The following IGF2BP2 variants were observed in gnomAD, a reference collection of about 807,000 sequenced individuals.
IGF2BP2 encodes insulin-like growth factor 2 mRNA-binding protein 2.
IGF2BP2 carries 17 observed loss-of-function variants against 75.8 expected under a neutral mutation model. The observed-to-expected ratio is 0.22, with a 90% confidence interval of 0.15 to 0.34. The LOEUF (loss-of-function observed/expected upper bound fraction) is 0.34, where lower values mean the gene tolerates loss of function less well. Among genes scored for constraint, IGF2BP2 ranks in the 10% least tolerant of loss-of-function variants. The probability of loss-of-function intolerance (pLI) is 1.00; values close to 1 mark genes in which losing one functional copy is unlikely to be tolerated. For synonymous variants in IGF2BP2, 288 were observed against 295.6 expected (o/e 0.97, Z 0.26); for missense variants, 516 against 772.4 (o/e 0.67, Z 3.93).
chr3:185,717,482 T>C (rs1367753578), intron 2 of IGF2BP2: 1 of 152,204 alleles, frequency 6.6e-6, no homozygotes, highest in Non-Finnish European at 1.5e-5. Flanking sequence ...ACTCTGAGAA[T>C]AGGACTCAAG....
At chr3:185,756,641 ATGGCCACG>A (rs1167167133) in intron 2 of IGF2BP2, among the ~76,000 whole-genome samples, 1 of 152,076 alleles carries the variant, frequency 6.6e-6, no homozygotes, top group Non-Finnish European at 1.5e-5. Context: ...CATTCCATCT[ATGGCCACG>A]TGTTTTGATA....
At chr3:185,747,015 C>A (rs1385193519) in intron 2 of IGF2BP2, among the ~76,000 whole-genome samples, 1 of 152,060 alleles carries the variant, frequency 6.6e-6, no homozygotes, top group African/African-American at 2.4e-5. Flanking sequence ...AAGGCAAAAA[C>A]CAGGCAAAAC....
At chr3:185,652,247 G>T in intron 12 of IGF2BP2, 79 bp from the exon 13 acceptor site, 1 of 1,221,344 alleles carries the variant, frequency 8.2e-7, no homozygotes, top group Non-Finnish European at 1.2e-6. Context: ...TGGACGGCAA[G>T]CATACCAGCA....
intron 2 of IGF2BP2, chr3:185,716,432 C>T (rs1318919177): frequency 5.9e-6 from 3 of 508,186 alleles, no homozygotes; most frequent in Non-Finnish European, 1.2e-5. Flanking sequence ...TCCCTCTTTC[C>T]ATATTCAGCA....
chr3:185,812,796 A>T (rs1403996602), intron 2 of IGF2BP2, among the ~76,000 whole-genome samples: 1 of 152,198 alleles, frequency 6.6e-6, no homozygotes, highest in South Asian at 2.1e-4. Flanking sequence ...TCCTTCCCAT[A>T]AATTTGGCAT....
In IGF2BP2 at chr3:185,645,564, GTATTTCTGC is replaced by G. The variant is rs758946058; in HGVS notation, c.1758_1766del (p.Glu586_Tyr589delinsAsp). On this transcript the variant is annotated inframe_deletion, in exon 16 of 16. Transcript: ENST00000382199. The surrounding 1 kb of genome is among the most constrained non-coding windows in gnomAD (Gnocchi z 4.9). ...TGCGCTGTGAGGCGACTCCCTGAGG[GTATTTCTGC>G]TCCTGCTGCTTCACCTGTTGTACAA... 3.1e-6 allele frequency: 5 copies of G among 1,613,692 alleles called. No individual in the cohort carries two copies. The South Asian group carries it at 5.5e-5, about 18-fold the overall frequency.
chr3:185,696,517 A>G, intron 4 of IGF2BP2, 95 bp downstream of exon 4: 4 of 1,035,738 alleles, frequency 3.9e-6, no homozygotes, highest in Non-Finnish European at 6.0e-6. Flanking sequence ...TCAAAGAAAT[A>G]TGAACTTACT....
At chr3:185,713,070 ATGTATG>A (rs975054527) in intron 2 of IGF2BP2, among the ~76,000 whole-genome samples, 20 of 145,788 alleles carry the variant, frequency 1.4e-4, no homozygotes, top group South Asian at 1.3e-3. Flanking sequence ...CCCTACAGAT[ATGTATG>A]TGTGTGTGTG....
At chr3:185,665,200 G>A (rs1220919963) in intron 10 of IGF2BP2, among the ~76,000 whole-genome samples, 3 of 145,472 alleles carry the variant, frequency 2.1e-5, no homozygotes, top group Non-Finnish European at 4.5e-5. Context: ...GGAGAAGAAG[G>A]AGAAGAAGGA....
rs536165048 is a variant in IGF2BP2 at position 185,754,302 on chromosome 3, C to T, written c.240-55955G>A. ...CATGCCTGCTTCCCCTCACCTTCTGCCATGACTAGAAGCTTCCACAGGCCT... is the reference window on the plus strand; with the variant it reads ...CATGCCTGCTTCCCCTCACCTTCTGTCATGACTAGAAGCTTCCACAGGCCT... On this transcript the variant is annotated intron_variant, in intron 2 of 15. Coordinates refer to ENST00000382199, the MANE Select transcript of IGF2BP2 (RefSeq NM_006548.6). Among the ~76,000 whole-genome samples, 5 of 152,170 alleles carry T rather than the reference C, an allele frequency of 3.3e-5. No individual in the cohort carries two copies. In the East Asian group the frequency reaches 9.7e-4, roughly 29 times the overall value.
intron 2 of IGF2BP2, among the ~76,000 whole-genome samples, chr3:185,746,418 C>G (rs1324913045): frequency 2.0e-5 from 3 of 152,180 alleles, no homozygotes; most frequent in African/African-American, 7.2e-5. Flanking sequence ...ACGTGAGCAA[C>G]TCCATGTTCT....
chr3:185,815,005 C>T (rs112957644), intron 2 of IGF2BP2, among the ~76,000 whole-genome samples: 22 of 152,058 alleles, frequency 1.4e-4, no homozygotes, highest in African/African-American at 5.1e-4. Flanking sequence ...GTGCAACATT[C>T]TGTATCCTAA....
intron 8 of IGF2BP2, 103 bp downstream of exon 8, chr3:185,675,688 G>A: frequency 1.4e-6 from 2 of 1,387,918 alleles, no homozygotes; most frequent in Non-Finnish European, 9.9e-7. Context: ...CATCACTTAT[G>A]ATTATATTCC....
chr3:185,764,022 T>C (rs144619396), intron 2 of IGF2BP2, among the ~76,000 whole-genome samples: 1 of 152,256 alleles, frequency 6.6e-6, no homozygotes, highest in East Asian at 1.9e-4. Context: ...ATTGTAGCAG[T>C]ATTGCCAAAA....
chr3:185,692,801 G>C (rs1722125679), intron 4 of IGF2BP2, 39 bp from the exon 5 acceptor site: 1 of 1,592,918 alleles, frequency 6.3e-7, no homozygotes, highest in Non-Finnish European at 8.6e-7. Flanking sequence ...ATAGGAAAAA[G>C]TGCTGTCACC....
At chr3:185,798,261 C>T (rs1737710098) in intron 2 of IGF2BP2, among the ~76,000 whole-genome samples, 1 of 152,136 alleles carries the variant, frequency 6.6e-6, no homozygotes, top group South Asian at 2.1e-4. Context: ...CCAATAATGA[C>T]AGACAGTGAC....
chr3:185,666,763 TG>T (rs1489809358), intron 10 of IGF2BP2, among the ~76,000 whole-genome samples: 2 of 152,044 alleles, frequency 1.3e-5, no homozygotes, highest in African/African-American at 4.8e-5. Flanking sequence ...AAAAATTAAG[TG>T]GAAAAAAATG....
intron 7 of IGF2BP2, among the ~76,000 whole-genome samples, chr3:185,679,778 G>A (rs1190901823): frequency 1.1e-4 from 16 of 151,904 alleles, no homozygotes; most frequent in Non-Finnish European, 1.3e-4. Flanking sequence ...CACCACACCC[G>A]GCTAATTTTG....
rs555130848 is a variant in IGF2BP2, at chr3:185,785,706, G to A, written c.239+37447C>T. ...CTGGGCCTGATGGCATATACCTGTA[G>A]TCCTAGCTACTCAGGAGGATCACTT... On this transcript the variant is annotated intron_variant, in intron 2 of 15. Transcript: ENST00000382199. Among the ~76,000 whole-genome samples, 20 of 152,202 alleles carry A rather than the reference G, an allele frequency of 1.3e-4. No individual in the cohort carries two copies. In the South Asian group the frequency reaches 3.5e-3, roughly 27 times the overall value.
Sources: gnomAD v4.1 joint callset for allele counts (sites outside exome capture counted in the v4.1 genomes callset) on GRCh38, gnomAD v4.1.1 for gene constraint, Gnocchi (gnomAD v3.1) non-coding constraint, MANE v1.5 for transcripts, NCBI Gene and HGNC (gene_info 2026-07-23, HGNC 2026-07-21) for gene names.